Variants in TMCO6 observed in about 807,000 individuals in gnomAD.
The protein encoded by TMCO6 is transmembrane and coiled-coil domains 6.
A neutral mutation model predicts 61.8 loss-of-function variants in TMCO6; 47 were observed. That is an observed-to-expected ratio of 0.76 (90% CI 0.60 to 0.97). The LOEUF is 0.97. Ranked by LOEUF, TMCO6 falls within the 50% of genes least tolerant of loss-of-function variation. TMCO6 has a pLI of 0.00. For missense variants in TMCO6, 557 were observed against 601.6 expected (o/e 0.93, Z 0.78); for synonymous variants, 261 against 254.2 (o/e 1.03, Z -0.25).
At chr5:140,627,051 A>G in the TMCO6 span, among the ~76,000 whole-genome samples, 3 of 151,480 alleles carry the variant, frequency 2.0e-5, no homozygotes, top group African/African-American at 7.3e-5. Context: ...TAATACTTTA[A>G]CCCCCTAAAC....
At chr5:140,599,052 C>T in the TMCO6 span, among the ~76,000 whole-genome samples, 1 of 152,204 alleles carries the variant, frequency 6.6e-6, no homozygotes, top group African/African-American at 2.4e-5. Context: ...ATGTGTGAGG[C>T]CTTCCAACGG....
chr5:140,616,258 C>G, the TMCO6 span, among the ~76,000 whole-genome samples: 1 of 152,168 alleles, frequency 6.6e-6, no homozygotes, highest in Non-Finnish European at 1.5e-5. Context: ...ACATTAAAAT[C>G]TAAAACTTTT....
At chr5:140,622,698 T>C in the TMCO6 span, among the ~76,000 whole-genome samples, 1 of 147,478 alleles carries the variant, frequency 6.8e-6, no homozygotes. Context: ...CCAGCTGGGT[T>C]CTCCTTACTG....
intron 10 of TMCO6, 21 bp from the exon 11 acceptor site, chr5:140,644,552 T>G: frequency 6.2e-7 from 1 of 1,612,482 alleles, no homozygotes; most frequent in South Asian, 1.1e-5. Flanking sequence ...CTTTGTAGAC[T>G]ATATATGTGT....
the TMCO6 span, among the ~76,000 whole-genome samples, chr5:140,617,073 A>T: frequency 6.6e-6 from 1 of 152,104 alleles, no homozygotes; most frequent in Non-Finnish European, 1.5e-5. Flanking sequence ...AAGTCAAAGT[A>T]CTTGAATAAA....
the TMCO6 span, among the ~76,000 whole-genome samples, chr5:140,618,647 C>T: frequency 6.6e-6 from 1 of 152,052 alleles, no homozygotes; most frequent in Non-Finnish European, 1.5e-5. Flanking sequence ...CTCCCTCTTC[C>T]ACCCTCCCCA....
chr5:140,629,836 G>T, the TMCO6 span, among the ~76,000 whole-genome samples: 1 of 151,496 alleles, frequency 6.6e-6, no homozygotes, highest in Non-Finnish European at 1.5e-5. Context: ...GGGAGGCTGA[G>T]GCAGGAGATT....
At chr5:140,646,077 C>A (rs1317134288), downstream of TMCO6, among the ~76,000 whole-genome samples, 1 of 148,004 alleles carries the variant, frequency 6.8e-6, no homozygotes, top group Non-Finnish European at 1.5e-5. Context: ...GTGGCACGAT[C>A]TCCACTCACT....
the TMCO6 span, among the ~76,000 whole-genome samples, chr5:140,597,158 A>G: frequency 6.6e-6 from 1 of 152,234 alleles, no homozygotes; most frequent in Non-Finnish European, 1.5e-5. Flanking sequence ...TGTAGCATTT[A>G]TATAACAGAT....
chr5:140,607,405 G>T, the TMCO6 span, among the ~76,000 whole-genome samples: 4 of 152,148 alleles, frequency 2.6e-5, no homozygotes, highest in Non-Finnish European at 5.9e-5. Flanking sequence ...ATATTCCGTT[G>T]TCTGTGTATA....
chr5:140,603,882 G>C, the TMCO6 span, among the ~76,000 whole-genome samples: 1 of 152,114 alleles, frequency 6.6e-6, no homozygotes. Flanking sequence ...TGGGTCATAT[G>C]GTAATTATAT....
the TMCO6 span, among the ~76,000 whole-genome samples, chr5:140,599,427 C>T: frequency 1.4e-4 from 22 of 152,328 alleles, no homozygotes; most frequent in African/African-American, 4.8e-4. Flanking sequence ...TCAGTATGCA[C>T]CACCCATGAA....
At chr5:140,613,804 C>T in the TMCO6 span, among the ~76,000 whole-genome samples, 1 of 152,062 alleles carries the variant, frequency 6.6e-6, no homozygotes, top group Non-Finnish European at 1.5e-5. Context: ...AACTCCTGGC[C>T]TTAAGCAATC....
the TMCO6 span, among the ~76,000 whole-genome samples, chr5:140,606,094 C>A: frequency 6.9e-6 from 1 of 144,078 alleles, no homozygotes; most frequent in Non-Finnish European, 1.5e-5. Flanking sequence ...CCCCTTCCCC[C>A]CCTTCTTTTC....
chr5:140,645,660 T>C (rs1246570603), downstream of TMCO6: 6 of 1,614,192 alleles, frequency 3.7e-6, no homozygotes, highest in Non-Finnish European at 5.1e-6. Flanking sequence ...CAAAGGGACA[T>C]TCGTCTCTTG....
chr5:140,639,842 G>T lies in TMCO6; in HGVS notation c.189G>T (p.Gly63=), dbSNP rs1368858441. 2.5e-6 allele frequency: 4 copies of T among 1,604,936 alleles called. No homozygotes were observed. Among genetic ancestry groups the T allele is most frequent in the Non-Finnish European group, 3.4e-6 (4 of 1,176,646 alleles). Residue 63 remains glycine (G), a synonymous_variant, in exon 2 of 12, where the codon GGG becomes GGT. Coordinates refer to ENST00000394671, the MANE Select transcript of TMCO6 (RefSeq NM_018502.5). Reference sequence around the variant, plus strand: ...AGGGATGTGTGGCTGCGATCCTCGGGGAAACCGAGGTGAGGGGGCAAGGTA... The same window carrying T: ...AGGGATGTGTGGCTGCGATCCTCGGTGAAACCGAGGTGAGGGGGCAAGGTA... The part of the protein sequence containing the change: ...AGEGCVAAIL[G]ETEVQQFLRQ...
chr5:140,621,030 A>G, the TMCO6 span, among the ~76,000 whole-genome samples: 1 of 152,092 alleles, frequency 6.6e-6, no homozygotes, highest in Non-Finnish European at 1.5e-5. Flanking sequence ...AAAAGTCTTT[A>G]ATGAAAAGAA....
the TMCO6 span, among the ~76,000 whole-genome samples, chr5:140,602,768 A>T: frequency 9.1e-4 from 138 of 151,290 alleles, no homozygotes; most frequent in Non-Finnish European, 1.3e-3. Flanking sequence ...TGTCTCTCTC[A>T]CACACACACA....
downstream of TMCO6, chr5:140,647,005 T>G (rs1757441057): frequency 4.4e-6 from 2 of 451,356 alleles, no homozygotes; most frequent in Non-Finnish European, 7.8e-6. Context: ...AAGCCCATTC[T>G]TAACTACAAA....
Sources: allele counts gnomAD v4.1 joint callset (sites outside exome capture counted in the v4.1 genomes callset), GRCh38; gene constraint gnomAD v4.1.1; transcripts MANE v1.5; gene names NCBI Gene and HGNC (gene_info 2026-07-23, HGNC 2026-07-21).